Variants in EPHX2 observed in about 807,000 individuals in gnomAD.
EPHX2 encodes epoxide hydrolase 2.
Under a neutral mutation model 78.7 loss-of-function variants are expected in EPHX2, and 74 were observed. That is an observed-to-expected ratio of 0.94 (90% CI 0.78 to 1.14). The LOEUF is 1.14. Among genes scored for constraint, EPHX2 ranks in the 50% most tolerant of loss-of-function variants. The probability of loss-of-function intolerance (pLI) is 0.00; values close to 1 mark genes in which losing one functional copy is unlikely to be tolerated. For missense variants in EPHX2, 715 were observed against 702.5 expected (o/e 1.02, Z -0.20); for synonymous variants, 251 against 255.2 (o/e 0.98, Z 0.16).
chr8:27,526,829 AGCCCCGACCTCTCCAG>A (rs1442675121), intron 12 of EPHX2, among the ~76,000 whole-genome samples: 2 of 152,152 alleles, frequency 1.3e-5, no homozygotes, highest in African/African-American at 4.8e-5. Context: ...AGCTCACTGC[AGCCCCGACCTCTCCAG>A]GCCCAGATGA....
At position 27,516,502 on chromosome 8, in the gene EPHX2, C is replaced by T. The variant is rs1585202091; in HGVS notation, c.910+104C>T. 3 of 1,091,814 alleles carry T rather than the reference C, an allele frequency of 2.7e-6. 1 individual carries two copies. Among genetic ancestry groups the T allele is most frequent in the South Asian group, 2.6e-5 (2 of 76,348 alleles). 67.6% of individuals were successfully genotyped at this position (1,091,814 alleles called of 1,614,324 possible). ...CCTGGTCCCAGATCAGAGTAGCCTTCCCCTTAAGAGAGTCTGACTTCACCT... is the reference window on the plus strand; with the variant it reads ...CCTGGTCCCAGATCAGAGTAGCCTTTCCCTTAAGAGAGTCTGACTTCACCT... On this transcript the variant is annotated intron_variant, in intron 8 of 18. Transcript: ENST00000521400.
chr8:27,501,387 C>CTTCTTCTTCTTCTTCTTCTTCT (rs1554519566), intron 2 of EPHX2, among the ~76,000 whole-genome samples: 20 of 67,522 alleles, frequency 3.0e-4, no homozygotes, highest in South Asian at 4.1e-4. Context: ...TCTTCTTCTT[C>CTTCTTCTTCTTCTTCTTCTTCT]TTCTTCTTTC....
chr8:27,538,579 G>A (rs371614504), intron 13 of EPHX2, 80 bp from the exon 14 acceptor site: 78 of 1,345,034 alleles, frequency 5.8e-5, no homozygotes, highest in South Asian at 1.8e-4. Flanking sequence ...GTCATTTGTC[G>A]TAACAGGGTT....
At position 27,544,106 on chromosome 8, in the gene EPHX2, G is replaced by T. The variant is rs1171120498; in HGVS notation, c.1531-80G>T. On this transcript the variant is annotated intron_variant, in intron 17 of 18. Coordinates refer to ENST00000521400, the MANE Select transcript of EPHX2 (RefSeq NM_001979.6). ...GGCCTGCGGGGAGCAGAGAGAAGGC[G>T]TCCATTGCCCATTGCACTAGCTAGA... 2.6e-6 allele frequency: 4 copies of T among 1,519,990 alleles called. No homozygotes were observed. The African/African-American group carries it at 5.5e-5, about 21-fold the overall frequency. 94.2% of individuals were successfully genotyped at this position (1,519,990 alleles called of 1,614,324 possible). A position where few individuals can be genotyped will look rare whatever the true frequency, so the allele number is the denominator to read the frequency against.
At position 27,503,692 on chromosome 8, in the gene EPHX2, T is replaced by C; in HGVS notation, c.275T>C (p.Phe92Ser). Residue 92 changes from phenylalanine (F) to serine (S), a missense_variant, in exon 3 of 19, where the codon TTT becomes TCT. Coordinates refer to ENST00000521400, the MANE Select transcript of EPHX2 (RefSeq NM_001979.6). Reference protein sequence around the residue: ...LPKNFSIKEIFDKAISARKIN... With the variant: ...LPKNFSIKEISDKAISARKIN... ...AAGAATTTCTCCATAAAAGAAATCT[T>C]TGACAAGGCGATTTCAGCCAGAAAG... 6.2e-7 allele frequency: 1 copy of C among 1,613,984 alleles called. No homozygotes were observed. The highest frequency in any genetic ancestry group is 8.5e-7 in the Non-Finnish European group (1 of 1,179,998).
At position 27,541,643 on chromosome 8, in the gene EPHX2, G is replaced by A. The variant is rs1815406477; in HGVS notation, c.1449+101G>A. 5.6e-6 allele frequency: 7 copies of A among 1,247,400 alleles called. No individual in the cohort carries two copies. In the African/African-American group the frequency reaches 5.9e-5, roughly 11 times the overall value. The allele number at this position is 1,247,400 out of a possible 1,614,324, so 77.3% of individuals were successfully genotyped here. Reference sequence around the variant, plus strand: ...TATGACCTGGGCCAGAGCTGGTTGTGGACAGATCTGCTGGCCACCTCCTTT... The same window carrying A: ...TATGACCTGGGCCAGAGCTGGTTGTAGACAGATCTGCTGGCCACCTCCTTT... On this transcript the variant is annotated intron_variant, in intron 16 of 18. Coordinates refer to ENST00000521400, the MANE Select transcript of EPHX2 (RefSeq NM_001979.6).
Position 27,516,917 on chromosome 8 carries a change from C to CTTTTT in EPHX2, c.910+520_910+521insTTTTT, listed in dbSNP as rs145423911. 1.2e-3 allele frequency among the ~76,000 whole-genome samples: 177 copies of CTTTTT among 144,164 alleles called. 6 individuals carry two copies. Among genetic ancestry groups the CTTTTT allele is most frequent in the Middle Eastern group, 0.012 (3 of 260 alleles). The allele number at this position is 144,164 out of a possible 152,430, so 94.6% of individuals were successfully genotyped here. A position where few individuals can be genotyped will look rare whatever the true frequency, so the allele number is the denominator to read the frequency against. On this transcript the variant is annotated intron_variant, in intron 8 of 18. Coordinates refer to ENST00000521400, the MANE Select transcript of EPHX2 (RefSeq NM_001979.6). Reference sequence around the variant, plus strand: ...TATAGACGGCACCACAATTTCCTTCCTATTTTTTTTTTTTTTTTTTGAGAC... The same window carrying CTTTTT: ...TATAGACGGCACCACAATTTCCTTCCTTTTTTATTTTTTTTTTTTTTTTTTGAGAC...
chr8:27,520,833 GGCAGGCGGGTGTGGTTGCTGATTTT>G (rs1415164078), intron 9 of EPHX2, 25 bp from the exon 10 acceptor site: 6 of 1,612,538 alleles, frequency 3.7e-6, no homozygotes, highest in Non-Finnish European at 4.2e-6. Flanking sequence ...TAAAGGCTGA[GGCAGGCGGGTGTGGTTGCTGATTTT>G]GCCTGTGTGT....
At chr8:27,537,619 GT>G (rs1044224580) in intron 13 of EPHX2, among the ~76,000 whole-genome samples, 1 of 151,860 alleles carries the variant, frequency 6.6e-6, no homozygotes, top group African/African-American at 2.4e-5. Flanking sequence ...TCAATAAATA[GT>G]TTTTTTTAAT....
At chr8:27,538,625 C>T in intron 13 of EPHX2, 34 bp from the exon 14 acceptor site, 1 of 1,594,376 alleles carries the variant, frequency 6.3e-7, no homozygotes, top group Non-Finnish European at 8.6e-7. Context: ...TCACCCATGA[C>T]ATCATTTGTA....
chr8:27,522,290 G>T (rs887716590), intron 10 of EPHX2, 133 bp from the exon 11 acceptor site: 3 of 714,486 alleles, frequency 4.2e-6, no homozygotes, highest in Non-Finnish European at 7.1e-6. Flanking sequence ...GGCTTGAAGG[G>T]TGGGCATTTG....
chr8:27,526,393 A>G (rs1243548442), intron 12 of EPHX2, among the ~76,000 whole-genome samples: 1 of 152,250 alleles, frequency 6.6e-6, no homozygotes, highest in African/African-American at 2.4e-5. Context: ...CGCATCCCAC[A>G]TACTACAGGG....
intron 5 of EPHX2, 73 bp from the exon 6 acceptor site, chr8:27,511,763 A>G: frequency 6.7e-7 from 1 of 1,488,194 alleles, no homozygotes; most frequent in East Asian, 2.3e-5. Flanking sequence ...CTCCCCTGGC[A>G]CCAGTATTCA....
chr8:27,504,265 T>C (rs1358591340), intron 3 of EPHX2, among the ~76,000 whole-genome samples: 1 of 152,182 alleles, frequency 6.6e-6, no homozygotes, highest in African/African-American at 2.4e-5. Context: ...TTCCACCCTC[T>C]TATCAGTAGA....
chr8:27,496,455 C>T (rs1813577687), intron 1 of EPHX2, among the ~76,000 whole-genome samples: 1 of 152,132 alleles, frequency 6.6e-6, no homozygotes, highest in African/African-American at 2.4e-5. Flanking sequence ...AGTCAGAGTG[C>T]AGGAGAATGC....
At chr8:27,506,203 A>G (rs759003657) in intron 4 of EPHX2, among the ~76,000 whole-genome samples, 14 of 152,168 alleles carry the variant, frequency 9.2e-5, no homozygotes, top group Non-Finnish European at 1.3e-4. Flanking sequence ...TGTTCATGCT[A>G]ATCTTGAACT....
At chr8:27,534,758 C>CT (rs1787449765) in intron 12 of EPHX2, among the ~76,000 whole-genome samples, 1 of 152,238 alleles carries the variant, frequency 6.6e-6, no homozygotes, top group Non-Finnish European at 1.5e-5. Flanking sequence ...TCCTCTGACT[C>CT]TATCTCAAAG....
At chr8:27,495,995 T>C (rs1813558715) in intron 1 of EPHX2, among the ~76,000 whole-genome samples, 1 of 152,164 alleles carries the variant, frequency 6.6e-6, no homozygotes, top group Admixed American at 6.5e-5. Flanking sequence ...GGCCTGGCCA[T>C]CTCGCTGTAT....
At chr8:27,525,975 A>T (rs1206696763) in intron 12 of EPHX2, among the ~76,000 whole-genome samples, 1 of 152,208 alleles carries the variant, frequency 6.6e-6, no homozygotes, top group Non-Finnish European at 1.5e-5. Context: ...ACTGGAATTC[A>T]CTGAGAGCAG....
Sources: allele counts gnomAD v4.1 joint callset (sites outside exome capture counted in the v4.1 genomes callset), GRCh38; gene constraint gnomAD v4.1.1; transcripts MANE v1.5; gene names NCBI Gene and HGNC (gene_info 2026-07-23, HGNC 2026-07-21).